NUP54: variants seen among roughly 807,000 people sequenced by gnomAD.
NUP54 encodes the protein nucleoporin 54, also known as nucleoporin p54.
NUP54 carries 27 observed loss-of-function variants against 66.4 expected under a neutral mutation model. The observed-to-expected ratio is 0.41, with a 90% CI of 0.30 to 0.56. The LOEUF (loss-of-function observed/expected upper bound fraction) is 0.56, where lower values mean the gene tolerates loss of function less well. Ranked by LOEUF, NUP54 falls within the 20% of genes least tolerant of loss-of-function variation. NUP54 has a pLI of 0.34. For synonymous variants in NUP54, 206 were observed against 210.7 expected (o/e 0.98, Z 0.19); for missense variants, 486 against 596.3 (o/e 0.82, Z 1.93).
Position 76,124,724 on chromosome 4 carries a change from CTT to C in NUP54, c.1087_1088del (p.Lys363GlufsTer22). 1 of 1,483,892 alleles carries C rather than the reference CTT, an allele frequency of 6.7e-7. No homozygotes were observed. The highest frequency in any genetic ancestry group is 9.2e-7 in the Non-Finnish European group (1 of 1,083,050). 91.9% of individuals were successfully genotyped at this position (1,483,892 alleles called of 1,614,324 possible). On this transcript the variant is annotated frameshift_variant, in exon 9 of 12. Transcript: ENST00000264883. LOFTEE classifies it high-confidence loss of function. ...TTTTGGCTACAGATGTAGTTTGATT[CTT>C]TTGTAGCTCACTAATATCTTCAGAT... is the stretch of plus-strand genomic sequence containing the variant. ...IISEDISELQ[K>X]NQTTSVAKIA...
chr4:76,145,807 T>C lies in NUP54; in HGVS notation c.68-1334A>G, dbSNP rs1357047368. ...ACACAGATTCATCAATATTGCAATA[T>C]AGAAAATACAAGAAGAAAAACATGC... is the stretch of plus-strand genomic sequence containing the variant. On this transcript the variant is annotated intron_variant, in intron 1 of 11. Coordinates refer to ENST00000264883, the MANE Select transcript of NUP54 (RefSeq NM_017426.4). 43 of 259,556 alleles carry C rather than the reference T, an allele frequency of 1.7e-4. No homozygotes were observed. In the Admixed American group the frequency reaches 2.3e-3, roughly 14 times the overall value. The allele number at this position is 259,556 out of a possible 1,614,324, so 16.1% of individuals were successfully genotyped here. A position where few individuals can be genotyped will look rare whatever the true frequency, so the allele number is the denominator to read the frequency against.
intron 1 of NUP54, chr4:76,145,554 C>T (rs1261669213): frequency 2.4e-6 from 3 of 1,272,616 alleles, no homozygotes; most frequent in Admixed American, 2.4e-5. Context: ...AATATACTTA[C>T]CTCCAAACAA....
At chr4:76,116,755 T>C (rs1441779187) in intron 11 of NUP54, among the ~76,000 whole-genome samples, 2 of 152,222 alleles carry the variant, frequency 1.3e-5, no homozygotes, top group Admixed American at 1.3e-4. Context: ...AAATGCAGAT[T>C]GAGTACGTCT....
chr4:76,124,558 AT>A (rs200630262), intron 9 of NUP54, 90 bp downstream of exon 9: 145 of 462,552 alleles, frequency 3.1e-4, no homozygotes, highest in African/African-American at 7.2e-4. Context: ...TCATTTTAGT[AT>A]TTTTTTTTCT....
At chr4:76,139,248 A>G (rs1053627934) in intron 3 of NUP54, among the ~76,000 whole-genome samples, 3 of 152,208 alleles carry the variant, frequency 2.0e-5, no homozygotes, top group Non-Finnish European at 4.4e-5. Context: ...TAAAGTAGTA[A>G]GATAAAGATA....
chr4:76,144,458 A>G lies in NUP54; in HGVS notation c.83T>C (p.Phe28Ser). The change falls in exon 2 of 12, where the codon TTT (phenylalanine) becomes TCT (serine). Residue 28 changes from phenylalanine (F) to serine (S), a missense_variant. Coordinates refer to ENST00000264883, the MANE Select transcript of NUP54 (RefSeq NM_017426.4). ...ACCTGCAGTTGTAGATGTTGTCCCAAATCCTCCAAACCCACCTAATTAAAA... is the reference window on the plus strand; with the variant it reads ...ACCTGCAGTTGTAGATGTTGTCCCAGATCCTCCAAACCCACCTAATTAAAA... ...TAAPAGGFGGFGTTSTTAGSA... is the reference protein window; with the variant it reads ...TAAPAGGFGGSGTTSTTAGSA... 6.2e-7 allele frequency: 1 copy of G among 1,603,856 alleles called. No individual in the cohort carries two copies. The highest frequency in any genetic ancestry group is 8.5e-7 in the Non-Finnish European group (1 of 1,177,028).
Position 76,115,369 on chromosome 4 carries a change from A to T in NUP54, c.1521T>A (p.Ser507Arg). ...ETIHIRGGVF[S>R] ...CTTTACACAAGTTTGTGAACTGTCA[A>T]CTAAAGACACCACCTCTGATGTGGA... Residue 507 changes from serine (S) to arginine (R), a missense_variant, in exon 12 of 12, where the codon AGT (serine) becomes AGA (arginine). Ser to Arg is a moderately radical substitution (Grantham distance 110). This residue lies in a region of NUP54 where 83 missense variants were observed against 128.6 expected (regional missense o/e 0.65). Coordinates refer to ENST00000264883, the MANE Select transcript of NUP54 (RefSeq NM_017426.4). 5 of 1,591,212 alleles carry T rather than the reference A, an allele frequency of 3.1e-6. No individual in the cohort carries two copies. Among genetic ancestry groups the T allele is most frequent in the Non-Finnish European group, 4.3e-6 (5 of 1,171,874 alleles).
chr4:76,131,435 G>A lies in NUP54; in HGVS notation c.908-151C>T. 3 of 507,026 alleles carry A rather than the reference G, an allele frequency of 5.9e-6. No homozygotes were observed. The South Asian group carries it at 1.1e-4, about 19-fold the overall frequency. 31.4% of individuals were successfully genotyped at this position (507,026 alleles called of 1,614,324 possible). ...AATCATGGTAAAAATACAAATTTTT[G>A]CAGAATAAATAAAGTTCAAAAAAAG... On this transcript the variant is annotated intron_variant, in intron 6 of 11. Coordinates refer to ENST00000264883, the MANE Select transcript of NUP54 (RefSeq NM_017426.4).
intron 3 of NUP54, among the ~76,000 whole-genome samples, chr4:76,139,622 G>C (rs572472612): frequency 3.9e-5 from 6 of 152,090 alleles, no homozygotes; most frequent in African/African-American, 1.4e-4. Context: ...ATAAGAAAAC[G>C]CTTTTGAGAC....
At position 76,131,295 on chromosome 4, in the gene NUP54, T is replaced by C; in HGVS notation, c.908-11A>G. On this transcript the variant is annotated splice_polypyrimidine_tract_variant and intron_variant, in intron 6 of 11. Coordinates refer to ENST00000264883, the MANE Select transcript of NUP54 (RefSeq NM_017426.4). The stretch of plus-strand genomic sequence containing the variant: ...TAATAGGATCAACACCTACCACAAA[T>C]AAAAAATATTTTTTCTAAAACAATT... 6.5e-7 allele frequency: 1 copy of C among 1,544,564 alleles called. No individual in the cohort carries two copies. The highest frequency in any genetic ancestry group is 8.8e-7 in the Non-Finnish European group (1 of 1,133,832).
At chr4:76,146,767 T>C (rs1315216411) in intron 1 of NUP54, among the ~76,000 whole-genome samples, 2 of 152,262 alleles carry the variant, frequency 1.3e-5, no homozygotes, top group Non-Finnish European at 2.9e-5. Context: ...AAATTTCTAA[T>C]GAGCTGCAAA....
At chr4:76,144,022 A>G in intron 3 of NUP54, 127 bp downstream of exon 3, 1 of 962,416 alleles carries the variant, frequency 1.0e-6, no homozygotes, top group East Asian at 2.6e-5. Context: ...GAAAAGTAAC[A>G]TTCCTAATCC....
intron 9 of NUP54, among the ~76,000 whole-genome samples, chr4:76,122,964 A>G (rs1008262992): frequency 1.3e-5 from 2 of 152,232 alleles, no homozygotes; most frequent in Admixed American, 1.3e-4. Flanking sequence ...ACAAAAGACC[A>G]TATATCGTTA....
intron 8 of NUP54, among the ~76,000 whole-genome samples, chr4:76,127,493 A>G (rs1196269709): frequency 6.6e-6 from 1 of 151,734 alleles, no homozygotes; most frequent in Non-Finnish European, 1.5e-5. Flanking sequence ...CTGAGTTCAT[A>G]CCACATACTT....
chr4:76,123,107 G>A (rs1271067372), intron 9 of NUP54, among the ~76,000 whole-genome samples: 3 of 152,200 alleles, frequency 2.0e-5, no homozygotes, highest in Non-Finnish European at 4.4e-5. Context: ...TAGGGTGACA[G>A]AAATGTTCTA....
chr4:76,137,368 G>C (rs1389283763), intron 3 of NUP54, among the ~76,000 whole-genome samples: 1 of 152,024 alleles, frequency 6.6e-6, no homozygotes, highest in East Asian at 1.9e-4. Context: ...ACCTACACAT[G>C]AAAGAATGGA....
intron 9 of NUP54, among the ~76,000 whole-genome samples, chr4:76,120,089 ATT>A (rs1309520810): frequency 1.3e-5 from 2 of 152,110 alleles, no homozygotes; most frequent in African/African-American, 2.4e-5. Context: ...ATGGATATAC[ATT>A]TTGTTTTCAC....
chr4:76,118,582 G>GGGGGGGT (rs1553941242), intron 9 of NUP54: 3 of 103,634 alleles, frequency 2.9e-5, no homozygotes, highest in Admixed American at 2.1e-4. Flanking sequence ...GTGGGGGGGG[G>GGGGGGGT]GGTCTCACTA....
intron 6 of NUP54, among the ~76,000 whole-genome samples, chr4:76,131,971 T>C (rs57573839): frequency 0.01 from 1,526 of 152,232 alleles, 25 homozygotes; most frequent in African/African-American, 0.033. Flanking sequence ...TGAAAAGTGC[T>C]AAGGAATACT....
Sources: allele counts gnomAD v4.1 joint callset (sites outside exome capture counted in the v4.1 genomes callset), GRCh38; gene constraint gnomAD v4.1.1; regional missense constraint gnomAD v4.1.1; transcripts MANE v1.5; gene names NCBI Gene and HGNC (gene_info 2026-07-23, HGNC 2026-07-21).